Variants in RASGRF2 observed in about 807,000 individuals in gnomAD.
The protein encoded by RASGRF2 is ras-specific guanine nucleotide-releasing factor 2.
In RASGRF2, 76 loss-of-function variants were observed where a neutral mutation model predicts 151.0. The ratio of observed to expected loss-of-function variants is 0.50; its 90% CI spans 0.42 to 0.61. RASGRF2 has a LOEUF of 0.61. RASGRF2 is among the 20% of genes least tolerant of loss of function. The pLI is 0.00. For missense variants in RASGRF2, 1,148 were observed against 1,564.6 expected (o/e 0.73, Z 4.49); for synonymous variants, 504 against 566.5 (o/e 0.89, Z 1.57).
intron 6 of RASGRF2, 30 bp downstream of exon 6, chr5:81,080,230 T>C: frequency 6.3e-7 from 1 of 1,581,988 alleles, no homozygotes; most frequent in South Asian, 1.2e-5. Context: ...GTGTAAGATT[T>C]TCTTTTAGAG....
chr5:81,095,780 A>G (rs1752531894), intron 12 of RASGRF2, among the ~76,000 whole-genome samples: 1 of 152,232 alleles, frequency 6.6e-6, no homozygotes, highest in Non-Finnish European at 1.5e-5. Flanking sequence ...AGTAATTTAT[A>G]TATAAGACAA....
At chr5:81,213,523 G>T (rs1024791694) in intron 23 of RASGRF2, among the ~76,000 whole-genome samples, 1 of 152,120 alleles carries the variant, frequency 6.6e-6, no homozygotes, top group African/African-American at 2.4e-5. Context: ...GTCCCAGACC[G>T]GAAGATCTAG....
At chr5:81,035,865 A>T (rs1750472630) in intron 1 of RASGRF2, among the ~76,000 whole-genome samples, 1 of 152,182 alleles carries the variant, frequency 6.6e-6, no homozygotes, top group African/African-American at 2.4e-5. Flanking sequence ...GTAATATTTG[A>T]AGAGATTGTG....
chr5:81,147,054 G>C (rs1051466146), intron 17 of RASGRF2, among the ~76,000 whole-genome samples: 1 of 152,054 alleles, frequency 6.6e-6, no homozygotes, highest in African/African-American at 2.4e-5. Flanking sequence ...TAGATGAACA[G>C]GCATAGAGTA....
intron 1 of RASGRF2, among the ~76,000 whole-genome samples, chr5:80,978,803 A>AC (rs1748209752): frequency 1.3e-5 from 2 of 151,926 alleles, no homozygotes; most frequent in Non-Finnish European, 2.9e-5. Flanking sequence ...AAGAAAAAAA[A>AC]AGGGGGGGAA....
At chr5:81,195,697 T>C (rs1755249938) in intron 18 of RASGRF2, among the ~76,000 whole-genome samples, 1 of 152,154 alleles carries the variant, frequency 6.6e-6, no homozygotes, top group South Asian at 2.1e-4. Context: ...TCCTTATCTC[T>C]GTTCCAGATC....
intron 18 of RASGRF2, among the ~76,000 whole-genome samples, chr5:81,193,586 G>C (rs1755196734): frequency 6.6e-6 from 1 of 152,146 alleles, no homozygotes; most frequent in African/African-American, 2.4e-5. Flanking sequence ...CACGATCTCG[G>C]CTCACTGCAA....
chr5:81,107,056 T>C (rs1752866148), intron 12 of RASGRF2, among the ~76,000 whole-genome samples: 1 of 152,046 alleles, frequency 6.6e-6, no homozygotes, highest in African/African-American at 2.4e-5. Context: ...TGCCAAAACT[T>C]GTAGTTATTT....
chr5:81,100,363 A>G (rs939461171), intron 12 of RASGRF2, among the ~76,000 whole-genome samples: 5 of 152,180 alleles, frequency 3.3e-5, no homozygotes, highest in African/African-American at 1.2e-4. Context: ...GAAACTCTAC[A>G]AAACTTAAGA....
chr5:80,960,751 G>T lies in RASGRF2; in HGVS notation c.13G>T (p.Val5Leu), dbSNP rs759262766. Residue 5 changes from valine (V) to leucine (L), a missense_variant, in exon 1 of 27, where the codon GTG (valine) becomes TTG (leucine). Coordinates refer to ENST00000265080, the MANE Select transcript of RASGRF2 (RefSeq NM_006909.3). This position sits in a 1 kb window ranked among gnomAD's most constrained non-coding sequence, Gnocchi z 5.5. MQKS[V>L]RYNEGHALYL... ...CCGCACCCGCACCATGCAGAAGAGC[G>T]TGCGCTACAACGAGGGGCACGCCCT... The T allele has an allele frequency of 2.5e-6, 4 of 1,596,140 alleles. No individual in the cohort carries two copies. Among genetic ancestry groups the T allele is most frequent in the East Asian group, 4.5e-5 (2 of 44,170 alleles).
intron 17 of RASGRF2, among the ~76,000 whole-genome samples, chr5:81,157,735 A>G (rs895571804): frequency 4.6e-5 from 7 of 152,250 alleles, no homozygotes; most frequent in Non-Finnish European, 1.0e-4. Flanking sequence ...AGAGAGAATG[A>G]GTGCCAGCAG....
intron 17 of RASGRF2, among the ~76,000 whole-genome samples, chr5:81,151,870 C>CT (rs889949453): frequency 3.9e-5 from 6 of 152,020 alleles, no homozygotes; most frequent in African/African-American, 9.7e-5. Context: ...ATTCAGCTAA[C>CT]TTTTTTTTAG....
rs1753034913 is a variant in RASGRF2, at chr5:81,112,800, G to A, written c.2029G>A (p.Val677Met). 1 of 1,614,212 alleles carries A rather than the reference G, an allele frequency of 6.2e-7. No homozygotes were observed. The highest frequency in any genetic ancestry group is 8.5e-7 in the Non-Finnish European group (1 of 1,180,030). ...CTATCGTATTTTCACTACTGCCGCT[G>A]TGGTGCTGGGGAAACTCTCCGACAT... Reference protein sequence around the residue: ...HTYRIFTTAAVVLGKLSDIYK... With the variant: ...HTYRIFTTAAMVLGKLSDIYK... Residue 677 changes from valine to methionine, a missense_variant, in exon 14 of 27, where the codon GTG becomes ATG. Val to Met is a conservative substitution (Grantham distance 21, BLOSUM62 1). Transcript: ENST00000265080.
chr5:81,207,981 G>A (rs1442452434), intron 21 of RASGRF2, among the ~76,000 whole-genome samples: 3 of 152,186 alleles, frequency 2.0e-5, no homozygotes, highest in Non-Finnish European at 2.9e-5. Context: ...CTCTGCTAAG[G>A]CTTAATGTTT....
chr5:81,195,084 C>T (rs530658691), intron 18 of RASGRF2, among the ~76,000 whole-genome samples: 35 of 152,316 alleles, frequency 2.3e-4, no homozygotes, highest in Admixed American at 5.2e-4. Context: ...ACCTCGGGGT[C>T]TCTTGGGTGC....
intron 2 of RASGRF2, among the ~76,000 whole-genome samples, chr5:81,065,156 C>G (rs1580272779): frequency 6.6e-6 from 1 of 152,238 alleles, no homozygotes; most frequent in African/African-American, 2.4e-5. Flanking sequence ...ACATCCTGAC[C>G]TAAAGGTCTA....
At chr5:81,026,733 G>A (rs146440250) in intron 1 of RASGRF2, among the ~76,000 whole-genome samples, 2,054 of 152,080 alleles carry the variant, frequency 0.014, 42 homozygotes, top group African/African-American at 0.045. Context: ...AAAAAGCTGC[G>A]TATGTATTTT....
chr5:81,098,703 G>A (rs1196051190), intron 12 of RASGRF2, among the ~76,000 whole-genome samples: 1 of 152,124 alleles, frequency 6.6e-6, no homozygotes, highest in Non-Finnish European at 1.5e-5. Context: ...ATGGTGGGTG[G>A]GTAGGTGGTA....
intron 18 of RASGRF2, among the ~76,000 whole-genome samples, chr5:81,190,613 G>T (rs1385814537): frequency 6.6e-6 from 1 of 152,104 alleles, no homozygotes; most frequent in African/African-American, 2.4e-5. Flanking sequence ...TCCAAAGATA[G>T]ATTTTTATTC....
Sources: allele counts gnomAD v4.1 joint callset (sites outside exome capture counted in the v4.1 genomes callset), GRCh38; gene constraint gnomAD v4.1.1; non-coding constraint Gnocchi (gnomAD v3.1); transcripts MANE v1.5; gene names NCBI Gene and HGNC (gene_info 2026-07-23, HGNC 2026-07-21).